ZNF30: variants seen among roughly 807,000 people sequenced by gnomAD.
The protein encoded by ZNF30 is zinc finger protein 30.
In ZNF30, 15 loss-of-function variants were observed where a neutral mutation model predicts 13.2. The ratio of observed to expected loss-of-function variants is 1.13; its 90% CI spans 0.76 to 1.75. ZNF30 has a LOEUF of 1.75. Among genes scored for constraint, ZNF30 ranks in the 40% most tolerant of loss-of-function variants. The pLI, the probability that ZNF30 is intolerant of heterozygous loss-of-function variation, is 0.00. For missense variants in ZNF30, 726 were observed against 757.0 expected, an observed-to-expected ratio of 0.96 and a Z score of 0.48; for synonymous variants, 223 against 256.6, an observed-to-expected ratio of 0.87 and a Z score of 1.25.
At position 34,944,507 on chromosome 19, in the gene ZNF30, G is replaced by A. The variant is rs769866341; in HGVS notation, c.1541G>A (p.Cys514Tyr). Residue 514 changes from cysteine (C) to tyrosine (Y), a missense_variant, in exon 5 of 5, where the codon TGT becomes TAT. Cys to Tyr is a radical substitution (Grantham distance 194). Coordinates refer to ENST00000601142, the MANE Select transcript of ZNF30 (RefSeq NM_194325.3). ...CATACTGGTAAGAAGCCCTATGAGT[G>A]TAAGGAGTGTGGCAAGGCCTTCAGT... ...RIHTGKKPYE[C>Y]KECGKAFSSG... 3 of 1,614,030 alleles carry A rather than the reference G, an allele frequency of 1.9e-6. No individual in the cohort carries two copies. The highest frequency in any genetic ancestry group is 3.3e-5 in the Admixed American group (2 of 59,994).
intron 4 of ZNF30, among the ~76,000 whole-genome samples, chr19:34,942,877 A>T (rs1225494817): frequency 6.6e-6 from 1 of 152,362 alleles, no homozygotes; most frequent in South Asian, 2.1e-4. Flanking sequence ...TTTCATCTGC[A>T]TCAGAAACAT....
At chr19:34,930,926 G>A (rs1382171221) in intron 2 of ZNF30, among the ~76,000 whole-genome samples, 1 of 152,016 alleles carries the variant, frequency 6.6e-6, no homozygotes, top group Non-Finnish European at 1.5e-5. Context: ...GACACTATCA[G>A]CATATTGTTA....
At position 34,928,246 on chromosome 19, in the gene ZNF30, TATATATATAGATAGATAGATAG is replaced by T. The variant is rs1474905718; in HGVS notation, c.-65+1034_-65+1055del. ...ATATATATATATATATATATATATATATATATATAGATAGATAGATAGATAGATACATAAATTAAATTAAGTG... is the reference window on the plus strand; with the variant it reads ...ATATATATATATATATATATATATATATAGATACATAAATTAAATTAAGTG... On this transcript the variant is annotated intron_variant, in intron 1 of 4. Transcript: ENST00000601142. 5.5e-3 allele frequency among the ~76,000 whole-genome samples: 296 copies of T among 54,006 alleles called. 9 individuals carry two copies. Among genetic ancestry groups the T allele is most frequent in the Admixed American group, 0.02 (147 of 7,284 alleles). 35.4% of individuals were successfully genotyped at this position (54,006 alleles called of 152,430 possible).
intron 3 of ZNF30, 137 bp from the exon 4 acceptor site, chr19:34,933,491 A>G: frequency 3.6e-6 from 2 of 554,390 alleles, no homozygotes; most frequent in Non-Finnish European, 6.5e-6. Context: ...GGAATTATGA[A>G]TCCCCTTGCC....
chr19:34,935,485 C>A (rs184412104), intron 4 of ZNF30, among the ~76,000 whole-genome samples: 89 of 152,220 alleles, frequency 5.8e-4, no homozygotes, highest in African/African-American at 2.1e-3. Context: ...CCAGTCTTAC[C>A]TGCTCTTCTC....
chr19:34,942,830 A>G (rs1399675138), intron 4 of ZNF30, among the ~76,000 whole-genome samples: 2 of 152,214 alleles, frequency 1.3e-5, no homozygotes, highest in Admixed American at 6.5e-5. Flanking sequence ...GCCACAAGAA[A>G]CCCCTAGAAG....
chr19:34,939,652 G>A (rs1158733962), intron 4 of ZNF30, among the ~76,000 whole-genome samples: 3 of 152,216 alleles, frequency 2.0e-5, no homozygotes, highest in African/African-American at 7.2e-5. Flanking sequence ...TGCAGGTGAT[G>A]TGTCCAGACT....
chr19:34,942,608 A>T, intron 4 of ZNF30: 2 of 1,288,174 alleles, frequency 1.6e-6, no homozygotes, highest in Non-Finnish European at 2.0e-6. Flanking sequence ...AGAAAGCTCC[A>T]GTCTACAAAC....
chr19:34,939,121 TCTCCCCTCCCCTCCCCTCCCCTCCC>T (rs772382037), intron 4 of ZNF30, among the ~76,000 whole-genome samples: 1 of 92,590 alleles, frequency 1.1e-5, no homozygotes, highest in South Asian at 4.3e-4. Context: ...CAGTGTCTTG[TCTCCCCTCCCCTCCCCTCCCCTCCC>T]CTCCCCTCCC....
chr19:34,938,216 G>A (rs1388346118), intron 4 of ZNF30, among the ~76,000 whole-genome samples: 1 of 152,160 alleles, frequency 6.6e-6, no homozygotes, highest in African/African-American at 2.4e-5. Flanking sequence ...GAGCACAGCA[G>A]TCCTCTTGAG....
chr19:34,929,855 C>T, intron 1 of ZNF30, 29 bp from the exon 2 acceptor site: 1 of 1,191,220 alleles, frequency 8.4e-7, no homozygotes, highest in East Asian at 2.5e-5. Flanking sequence ...AACACTAAAG[C>T]CTCCTTTTCT....
chr19:34,933,650 T>C lies in ZNF30; in HGVS notation c.183T>C (p.His61=), dbSNP rs781450567. 1.2e-6 allele frequency: 2 copies of C among 1,600,806 alleles called. No homozygotes were observed. The highest frequency in any genetic ancestry group is 1.7e-6 in the Non-Finnish European group (2 of 1,173,396). Residue 61 remains histidine (H), a synonymous_variant, in exon 4 of 5, where the codon CAT becomes CAC. Coordinates refer to ENST00000601142, the MANE Select transcript of ZNF30 (RefSeq NM_194325.3). ...VSMGHSRSKP[H]VIALLEQWKE... is the part of the protein sequence containing the mutation. ...CAGGACATTCCCGTTCTAAACCACATGTGATCGCCTTATTGGAACAATGGA... is the reference window on the plus strand; with the variant it reads ...CAGGACATTCCCGTTCTAAACCACACGTGATCGCCTTATTGGAACAATGGA...
rs1011157210 is a variant in ZNF30 at position 34,933,525 on chromosome 19, G to C, written c.161-103G>C. On this transcript the variant is annotated intron_variant, in intron 3 of 4. Coordinates refer to ENST00000601142, the MANE Select transcript of ZNF30 (RefSeq NM_194325.3). Reference sequence around the variant, plus strand: ...CCCTTCTCGTGTCTGAGATATAAAGGTCAATATCGTTTGACCTTTCATTTA... The same window carrying C: ...CCCTTCTCGTGTCTGAGATATAAAGCTCAATATCGTTTGACCTTTCATTTA... The C allele has an allele frequency of 1.3e-5, 10 of 758,164 alleles. No individual in the cohort carries two copies. In the African/African-American group the frequency reaches 1.6e-4, roughly 12 times the overall value. 47.0% of individuals were successfully genotyped at this position (758,164 alleles called of 1,614,324 possible).
chr19:34,942,569 G>T (rs1465196105), intron 4 of ZNF30: 1 of 1,204,040 alleles, frequency 8.3e-7, no homozygotes, highest in South Asian at 1.4e-5. Context: ...CTGATAAAGT[G>T]ACATTTTATT....
intron 4 of ZNF30, among the ~76,000 whole-genome samples, chr19:34,937,847 A>G (rs900478984): frequency 1.3e-5 from 2 of 152,142 alleles, no homozygotes; most frequent in Non-Finnish European, 2.9e-5. Flanking sequence ...CACCCAGGCT[A>G]GAGTGCAGTG....
intron 4 of ZNF30, chr19:34,942,570 A>C (rs2013097609): frequency 1.1e-5 from 13 of 1,204,138 alleles, no homozygotes; most frequent in Non-Finnish European, 1.4e-5. Context: ...TGATAAAGTG[A>C]CATTTTATTT....
chr19:34,926,408 G>A (rs913887057), upstream of ZNF30, among the ~76,000 whole-genome samples: 1 of 152,112 alleles, frequency 6.6e-6, no homozygotes, highest in Non-Finnish European at 1.5e-5. Flanking sequence ...ATATCTGTTT[G>A]ATTAGCCTTA....
intron 2 of ZNF30, 78 bp downstream of exon 2, chr19:34,930,034 T>TGA: frequency 7.2e-7 from 1 of 1,382,302 alleles, no homozygotes; most frequent in Non-Finnish European, 1.0e-6. Flanking sequence ...TGAAGCATTC[T>TGA]TCATCAGAAT....
rs778589340 is a variant in ZNF30, at chr19:34,944,325, G to A, written c.1359G>A (p.Glu453=). ...TACATCAAAGGGTTCATACTGGAGA[G>A]AAACCCTATGAGTGTAAGGAATGTG... is the stretch of plus-strand genomic sequence containing the variant. The part of the protein sequence containing the change: ...LTVHQRVHTG[E]KPYECKECGK... The change falls in exon 5 of 5, where the codon GAG becomes GAA. Residue 453 remains glutamate, a synonymous_variant. Coordinates refer to ENST00000601142, the MANE Select transcript of ZNF30 (RefSeq NM_194325.3). 6.2e-6 allele frequency: 10 copies of A among 1,614,078 alleles called. No homozygotes were observed. The South Asian group carries it at 6.6e-5, about 11-fold the overall frequency.
Sources: gnomAD v4.1 joint callset for allele counts (sites outside exome capture counted in the v4.1 genomes callset) on GRCh38, gnomAD v4.1.1 for gene constraint, MANE v1.5 for transcripts, NCBI Gene and HGNC (gene_info 2026-07-23, HGNC 2026-07-21) for gene names.